Variants in NEURL1 observed in about 807,000 individuals in gnomAD.
NEURL1 encodes the protein neuralized E3 ubiquitin protein ligase 1.
A neutral mutation model predicts 41.2 loss-of-function variants in NEURL1; 26 were observed. The observed-to-expected ratio is 0.63, with a 90% confidence interval of 0.46 to 0.87. The LOEUF (loss-of-function observed/expected upper bound fraction) is 0.87, where lower values mean the gene tolerates loss of function less well. NEURL1 is among the 40% of genes least tolerant of loss of function. The pLI, the probability that NEURL1 is intolerant of heterozygous loss-of-function variation, is 0.00. For missense variants in NEURL1, 761 were observed against 871.1 expected (o/e 0.87, Z 1.59); for synonymous variants, 400 against 402.3 (o/e 0.99, Z 0.07).
intron 1 of NEURL1, among the ~76,000 whole-genome samples, chr10:103,516,759 C>T (rs534356538): frequency 1.1e-4 from 16 of 152,250 alleles, no homozygotes; most frequent in South Asian, 8.3e-4. Context: ...AATGTAGATT[C>T]CTCCTCAGGG....
At position 103,556,010 on chromosome 10, in the gene NEURL1, G is replaced by A. The variant is rs941231976; in HGVS notation, c.86-14862G>A. The stretch of plus-strand genomic sequence containing the variant: ...TGCACCTGTGCCGGCTTGTGCCTAA[G>A]CACACGGGTGTGCAAGTGACAGCAC... On this transcript the variant is annotated intron_variant, in intron 1 of 5. Coordinates refer to ENST00000369780, the MANE Select transcript of NEURL1 (RefSeq NM_004210.5). The surrounding 1 kb of genome is among the most constrained non-coding windows in gnomAD (Gnocchi z 4.4). 1.3e-5 allele frequency among the ~76,000 whole-genome samples: 2 copies of A among 152,238 alleles called. No homozygotes were observed. The highest frequency in any genetic ancestry group is 4.8e-5 in the African/African-American group (2 of 41,472).
chr10:103,538,430 G>T (rs1028954859), intron 1 of NEURL1, among the ~76,000 whole-genome samples: 1 of 151,754 alleles, frequency 6.6e-6, no homozygotes, highest in African/African-American at 2.4e-5. Flanking sequence ...AACTAGCTGG[G>T]CATGGTGGCA....
At chr10:103,585,378 G>C (rs1487905965) in intron 4 of NEURL1, among the ~76,000 whole-genome samples, 153 bp downstream of exon 4, 1 of 152,170 alleles carries the variant, frequency 6.6e-6, no homozygotes, top group Non-Finnish European at 1.5e-5. Context: ...GCGGGACTTG[G>C]TCATCTTGTC....
intron 1 of NEURL1, among the ~76,000 whole-genome samples, chr10:103,554,427 A>G (rs35733917): frequency 1.8e-4 from 28 of 152,178 alleles, no homozygotes; most frequent in Non-Finnish European, 4.4e-5. Flanking sequence ...TTTGTGTGAC[A>G]TGATGCAGAA....
At chr10:103,590,113 C>T (rs367661735) in intron 5 of NEURL1, 21 bp from the exon 6 acceptor site, 40 of 1,610,264 alleles carry the variant, frequency 2.5e-5, no homozygotes, top group Non-Finnish European at 3.4e-5. Flanking sequence ...CTCCTCCTGA[C>T]TGGTGCCCCC....
rs976264589 is a variant in NEURL1 at position 103,494,548 on chromosome 10, G to A, written c.85+76G>A. On this transcript the variant is annotated intron_variant, in intron 1 of 5. Coordinates refer to ENST00000369780, the MANE Select transcript of NEURL1 (RefSeq NM_004210.5). ...CCAGGGAGGTGTGGTTGGGGAGGGC[G>A]GGCAGACGCCACCTGTTGTGCGTGT... 1.1e-4 allele frequency: 139 copies of A among 1,281,950 alleles called. 1 individual carries two copies. In the African/African-American group the frequency reaches 2.0e-3, roughly 18 times the overall value. The allele number at this position is 1,281,950 out of a possible 1,614,324, so 79.4% of individuals were successfully genotyped here. A position where few individuals can be genotyped will look rare whatever the true frequency, so the allele number is the denominator to read the frequency against.
Position 103,571,329 on chromosome 10 carries a change from C to T in NEURL1, c.328-172C>T, listed in dbSNP as rs531563428. ...AGGAAGGAACCGGGAGGGCGGTGGC[C>T]GTGGGAACCCCTTGCTGTCTTCCCA... On this transcript the variant is annotated intron_variant, in intron 2 of 5. Coordinates refer to ENST00000369780, the MANE Select transcript of NEURL1 (RefSeq NM_004210.5). Among the ~76,000 whole-genome samples, 669 of 152,284 alleles carry T rather than the reference C, an allele frequency of 4.4e-3. 2 individuals are homozygous for T. The highest frequency in any genetic ancestry group is 0.015 in the African/African-American group (637 of 41,562).
intron 3 of NEURL1, among the ~76,000 whole-genome samples, chr10:103,576,431 A>G (rs1293105886): frequency 6.6e-6 from 1 of 152,154 alleles, no homozygotes; most frequent in Non-Finnish European, 1.5e-5. Context: ...AGGGGTGTGC[A>G]CAGGTGTGGG....
At chr10:103,520,604 G>A (rs1020700825) in intron 1 of NEURL1, among the ~76,000 whole-genome samples, 1 of 152,156 alleles carries the variant, frequency 6.6e-6, no homozygotes, top group Non-Finnish European at 1.5e-5. Context: ...CAGGTCACAG[G>A]GGATATGATG....
intron 1 of NEURL1, among the ~76,000 whole-genome samples, chr10:103,500,638 T>C (rs2033801565): frequency 1.3e-5 from 2 of 152,232 alleles, no homozygotes; most frequent in African/African-American, 4.8e-5. Flanking sequence ...AGGAGGGCTG[T>C]GCTAGTCTGG....
intron 1 of NEURL1, among the ~76,000 whole-genome samples, chr10:103,541,271 A>G (rs1564815676): frequency 6.6e-6 from 1 of 152,178 alleles, no homozygotes; most frequent in Non-Finnish European, 1.5e-5. Flanking sequence ...ATACATGCCT[A>G]CATACATACA....
intron 1 of NEURL1, among the ~76,000 whole-genome samples, chr10:103,516,112 C>T (rs1242540354): frequency 1.3e-5 from 2 of 150,530 alleles, no homozygotes; most frequent in Non-Finnish European, 3.0e-5. Flanking sequence ...CCTGTAGTCC[C>T]AGCTACTTGG....
chr10:103,581,857 T>C (rs2035789753), intron 3 of NEURL1, among the ~76,000 whole-genome samples: 1 of 152,074 alleles, frequency 6.6e-6, no homozygotes, highest in African/African-American at 2.4e-5. Context: ...CAGGAGGTAG[T>C]GGGTTAAATA....
chr10:103,554,451 C>T (rs186290637), intron 1 of NEURL1, among the ~76,000 whole-genome samples: 19 of 152,044 alleles, frequency 1.2e-4, no homozygotes, highest in Non-Finnish European at 2.2e-4. Flanking sequence ...TAGTGCAGGT[C>T]TGTGTTGGGG....
chr10:103,539,052 T>G (rs922942608), intron 1 of NEURL1, among the ~76,000 whole-genome samples: 33 of 150,924 alleles, frequency 2.2e-4, no homozygotes, highest in Non-Finnish European at 7.4e-5. Context: ...GCTCAAGCAA[T>G]TCTCCCACCT....
chr10:103,509,530 C>T (rs899208262), intron 1 of NEURL1, among the ~76,000 whole-genome samples: 4 of 152,142 alleles, frequency 2.6e-5, no homozygotes, highest in Non-Finnish European at 5.9e-5. Context: ...ATGCATTGCA[C>T]GATGATGTTA....
intron 3 of NEURL1, among the ~76,000 whole-genome samples, 163 bp downstream of exon 3, chr10:103,571,985 TCTC>T (rs2035561272): frequency 6.6e-6 from 1 of 152,116 alleles, no homozygotes; most frequent in Non-Finnish European, 1.5e-5. Context: ...ACTGCAGAGA[TCTC>T]CTTTCCTCCA....
chr10:103,549,283 T>A (rs1171143620), intron 1 of NEURL1: 1 of 152,700 alleles, frequency 6.5e-6, no homozygotes, highest in Admixed American at 6.5e-5. Flanking sequence ...TCTGCACCTG[T>A]TGTGTTCCCA....
At position 103,555,279 on chromosome 10, in the gene NEURL1, G is replaced by A; in HGVS notation, c.86-15593G>A. 1.0e-5 allele frequency: 12 copies of A among 1,150,656 alleles called. No individual in the cohort carries two copies. The South Asian group carries it at 1.8e-4, about 17-fold the overall frequency. 71.3% of individuals were successfully genotyped at this position (1,150,656 alleles called of 1,614,324 possible). A position where few individuals can be genotyped will look rare whatever the true frequency, so the allele number is the denominator to read the frequency against. ...CCCTGCCATGCCGGTCTCCGCCCGC[G>A]GGGGAGGAGACGGGGGAGGAGGAGG... On this transcript the variant is annotated intron_variant, in intron 1 of 5. Transcript: ENST00000369780.
Sources: allele counts gnomAD v4.1 joint callset (sites outside exome capture counted in the v4.1 genomes callset), GRCh38; gene constraint gnomAD v4.1.1; non-coding constraint Gnocchi (gnomAD v3.1); transcripts MANE v1.5; gene names NCBI Gene and HGNC (gene_info 2026-07-23, HGNC 2026-07-21).